UNC13C: variants seen among roughly 807,000 people sequenced by gnomAD.
UNC13C encodes protein unc-13 homolog C.
A neutral mutation model predicts 245.4 loss-of-function variants in UNC13C; 174 were observed. The observed-to-expected ratio is 0.71, with a 90% CI of 0.63 to 0.80. UNC13C has a LOEUF of 0.80. UNC13C is among the 30% of genes least tolerant of loss of function. The pLI is 0.00. For missense variants in UNC13C, 2,829 were observed against 2,602.9 expected, an observed-to-expected ratio of 1.09 and a Z score of -1.89; for synonymous variants, 992 against 895.1, an observed-to-expected ratio of 1.11 and a Z score of -1.93.
chr15:54,240,236 C>T (rs932909069), intron 7 of UNC13C, among the ~76,000 whole-genome samples: 2 of 152,136 alleles, frequency 1.3e-5, no homozygotes, highest in African/African-American at 2.4e-5. Context: ...AAGCCCATTT[C>T]CCTGGGACTC....
intron 30 of UNC13C, among the ~76,000 whole-genome samples, chr15:54,569,833 A>G (rs981557570): frequency 6.6e-6 from 1 of 151,688 alleles, no homozygotes; most frequent in Non-Finnish European, 1.5e-5. Context: ...TTGGTAGGAT[A>G]TAGATACGAA....
chr15:53,989,020 G>A (rs993780609), intron 1 of UNC13C, among the ~76,000 whole-genome samples: 8 of 151,802 alleles, frequency 5.3e-5, no homozygotes, highest in Non-Finnish European at 7.4e-5. Context: ...CTTCTTCATC[G>A]TCATCAGTAA....
intron 10 of UNC13C, 119 bp from the exon 11 acceptor site, chr15:54,293,776 T>G: frequency 1.4e-6 from 1 of 734,596 alleles, no homozygotes; most frequent in Non-Finnish European, 2.0e-6. Context: ...AAATGGGTTA[T>G]CTCATTTATT....
chr15:54,027,374 T>C (rs887103407), intron 2 of UNC13C, among the ~76,000 whole-genome samples: 44 of 152,140 alleles, frequency 2.9e-4, no homozygotes, highest in African/African-American at 9.4e-4. Flanking sequence ...CTCTCCTCTT[T>C]TGTTTTGTTT....
At chr15:54,370,826 AT>A (rs1162754195) in intron 17 of UNC13C, among the ~76,000 whole-genome samples, 1 of 152,108 alleles carries the variant, frequency 6.6e-6, no homozygotes, top group Non-Finnish European at 1.5e-5. Context: ...TAAAATCTCA[AT>A]TATAAAAATT....
At chr15:53,902,628 C>A in the UNC13C span, among the ~76,000 whole-genome samples, 175 of 152,200 alleles carry the variant, frequency 1.1e-3, no homozygotes, top group African/African-American at 3.6e-3. Flanking sequence ...ATATTAAACA[C>A]TTTCTACATG....
intron 4 of UNC13C, among the ~76,000 whole-genome samples, chr15:54,144,421 A>T (rs1412141751): frequency 6.6e-6 from 1 of 152,102 alleles, no homozygotes; most frequent in African/African-American, 2.4e-5. Context: ...TAGTGCTGTT[A>T]AAATTGTCCT....
At position 54,622,401 on chromosome 15, in the gene UNC13C, C is replaced by G. The variant is rs568170782; in HGVS notation, c.6181C>G (p.His2061Asp). 7 of 1,612,802 alleles carry G rather than the reference C, an allele frequency of 4.3e-6. No homozygotes were observed. The highest frequency in any genetic ancestry group is 5.9e-6 in the Non-Finnish European group (7 of 1,179,062). ...CACTGCCACCCCAGGAACGGGAGAT[C>G]ATAAAGTCACTGTAAAAGGTATACT... is the stretch of plus-strand genomic sequence containing the variant. ...DITATPGTGD[H>D]KVTVKVIAIN... Residue 2061 changes from histidine to aspartate, a missense_variant, in exon 31 of 33, where the codon CAT becomes GAT. His to Asp is a moderately conservative substitution (Grantham distance 81). Coordinates refer to ENST00000260323, the MANE Select transcript of UNC13C (RefSeq NM_001080534.3).
At chr15:54,129,286 T>C (rs2031261364) in intron 2 of UNC13C, among the ~76,000 whole-genome samples, 1 of 152,206 alleles carries the variant, frequency 6.6e-6, no homozygotes, top group African/African-American at 2.4e-5. Flanking sequence ...GCTAGATTAA[T>C]TGCAAAATAT....
chr15:54,171,480 T>A (rs567211114), intron 4 of UNC13C, among the ~76,000 whole-genome samples: 2 of 151,864 alleles, frequency 1.3e-5, no homozygotes, highest in African/African-American at 4.8e-5. Context: ...GACAAACAAA[T>A]GGCAAACAGG....
intron 4 of UNC13C, among the ~76,000 whole-genome samples, chr15:54,189,730 G>T (rs781161145): frequency 6.6e-6 from 1 of 152,140 alleles, no homozygotes; most frequent in Non-Finnish European, 1.5e-5. Flanking sequence ...TCATGAGACA[G>T]TGTTAGTTGT....
At chr15:54,089,035 T>A (rs1899411769) in intron 2 of UNC13C, among the ~76,000 whole-genome samples, 1 of 152,152 alleles carries the variant, frequency 6.6e-6, no homozygotes, top group African/African-American at 2.4e-5. Context: ...TACCACAGGC[T>A]CATGCCCTGA....
chr15:53,898,210 CATCATCATCAT>C, the UNC13C span, among the ~76,000 whole-genome samples: 6 of 151,852 alleles, frequency 4.0e-5, no homozygotes, highest in African/African-American at 1.5e-4. Context: ...CCACCACCAT[CATCATCATCAT>C]CATCATCATC....
chr15:54,013,449 A>C lies in UNC13C; in HGVS notation c.546A>C (p.Arg182=). 6.2e-7 allele frequency: 1 copy of C among 1,613,874 alleles called. No homozygotes were observed. Among genetic ancestry groups the C allele is most frequent in the Non-Finnish European group, 8.5e-7 (1 of 1,179,870 alleles). The change falls in exon 2 of 33, where the codon CGA becomes CGC. Residue 182 remains arginine, a synonymous_variant. Transcript: ENST00000260323. ...TLHGLKLGAL[R]KLRKWKKSQE... ...ATGGCTTAAAACTGGGAGCTTTACG[A>C]AAACTGAGAAAATGGAAAAAGAGTC...
intron 30 of UNC13C, among the ~76,000 whole-genome samples, chr15:54,571,869 C>T (rs1478903477): frequency 6.6e-6 from 1 of 152,226 alleles, no homozygotes; most frequent in Non-Finnish European, 1.5e-5. Context: ...TTGTGACCAA[C>T]TCTGATGTGT....
chr15:54,494,252 TTCTC>T (rs1337390302), intron 19 of UNC13C, among the ~76,000 whole-genome samples: 3 of 152,122 alleles, frequency 2.0e-5, no homozygotes, highest in Non-Finnish European at 2.9e-5. Context: ...AGAATTTTAA[TTCTC>T]TCTGTCACTT....
intron 30 of UNC13C, among the ~76,000 whole-genome samples, chr15:54,614,853 ATTAAACTTTTAGCTCAAGAAATT>A (rs1900327335): frequency 6.6e-6 from 1 of 152,066 alleles, no homozygotes; most frequent in East Asian, 1.9e-4. Context: ...TCTTCTAAAA[ATTAAACTTTTAGCTCAAGAAATT>A]TTGTTGTGAC....
At chr15:54,219,355 T>A (rs910296595) in intron 4 of UNC13C, among the ~76,000 whole-genome samples, 5 of 151,368 alleles carry the variant, frequency 3.3e-5, no homozygotes, top group African/African-American at 1.2e-4. Flanking sequence ...GGGAAAGGAT[T>A]CCCTATTTAA....
At chr15:53,987,084 T>G (rs1894176712) in intron 1 of UNC13C, among the ~76,000 whole-genome samples, 1 of 152,190 alleles carries the variant, frequency 6.6e-6, no homozygotes, top group Admixed American at 6.6e-5. Context: ...TCATGAGAGA[T>G]TCTTAAGATT....
Sources: gnomAD v4.1 joint callset for allele counts (sites outside exome capture counted in the v4.1 genomes callset) on GRCh38, gnomAD v4.1.1 for gene constraint, MANE v1.5 for transcripts, NCBI Gene and HGNC (gene_info 2026-07-23, HGNC 2026-07-21) for gene names.